ZNF366: variants seen among roughly 807,000 people sequenced by gnomAD.
ZNF366 encodes dendritic cell-specific transcript protein.
A neutral mutation model predicts 47.2 loss-of-function variants in ZNF366; 20 were observed. The observed-to-expected ratio is 0.42, with a 90% CI of 0.30 to 0.62. The LOEUF (loss-of-function observed/expected upper bound fraction) is 0.62, where lower values mean the gene tolerates loss of function less well. Ranked by LOEUF, ZNF366 falls within the 20% of genes least tolerant of loss-of-function variation. The probability of loss-of-function intolerance (pLI) is 0.16; values close to 1 mark genes in which losing one functional copy is unlikely to be tolerated. For missense variants in ZNF366, 987 were observed against 976.3 expected, an observed-to-expected ratio of 1.01 and a Z score of -0.15; for synonymous variants, 421 against 395.1, an observed-to-expected ratio of 1.07 and a Z score of -0.78.
chr5:72,440,871 T>G lies in ZNF366; in HGVS notation c.*2885A>C, dbSNP rs1170287713. 6.6e-6 allele frequency: 1 copy of G among 152,226 alleles called. No homozygotes were observed. The highest frequency in any genetic ancestry group is 6.5e-5 in the Admixed American group (1 of 15,280). The allele number at this position is 152,226 out of a possible 1,614,324, so 9.4% of individuals were successfully genotyped here. A position where few individuals can be genotyped will look rare whatever the true frequency, so the allele number is the denominator to read the frequency against. ...AGGTTAGATCTAATTAAGTGTCTTATGCCCAGAGTCAACAACTAAAAACAG... is the reference window on the plus strand; with the variant it reads ...AGGTTAGATCTAATTAAGTGTCTTAGGCCCAGAGTCAACAACTAAAAACAG... On this transcript the variant is annotated 3_prime_UTR_variant, in exon 5 of 5. Coordinates refer to ENST00000318442, the MANE Select transcript of ZNF366 (RefSeq NM_152625.3).
At chr5:72,484,931 A>G (rs530612318) in intron 1 of ZNF366, among the ~76,000 whole-genome samples, 16 of 150,756 alleles carry the variant, frequency 1.1e-4, no homozygotes, top group African/African-American at 3.6e-4. Flanking sequence ...AGAAGGACCT[A>G]TATTTCCAGT....
rs142021145 is a variant in ZNF366, at chr5:72,460,692, C to G, written c.805G>C (p.Val269Leu). 1 of 1,614,214 alleles carries G rather than the reference C, an allele frequency of 6.2e-7. No homozygotes were observed. Among genetic ancestry groups the G allele is most frequent in the Non-Finnish European group, 8.5e-7 (1 of 1,180,036 alleles). ...CCACTGTGGCCCAGGATGTGGGTGA[C>G]CAGGTTGTACTTGGAGGTGTAGGAC... ...EKSYTSKYNLVTHILGHSGIK... is the reference protein window; with the variant it reads ...EKSYTSKYNLLTHILGHSGIK... Residue 269 changes from valine (V) to leucine (L), a missense_variant, in exon 2 of 5, where the codon GTC becomes CTC. By Grantham distance (32) the Val-to-Leu change is conservative (BLOSUM62 1). Transcript: ENST00000318442.
chr5:72,450,925 GAGA>G (rs1303519582), intron 3 of ZNF366, among the ~76,000 whole-genome samples: 1 of 152,230 alleles, frequency 6.6e-6, no homozygotes, highest in East Asian at 1.9e-4. Flanking sequence ...GGTGGAGCCT[GAGA>G]TGTGAGCCCC....
chr5:72,505,804 A>T (rs1335124684), intron 1 of ZNF366, among the ~76,000 whole-genome samples: 1 of 152,192 alleles, frequency 6.6e-6, no homozygotes, highest in Non-Finnish European at 1.5e-5. Context: ...GATCTATGGA[A>T]ATGGAGTAGT....
At position 72,467,162 on chromosome 5, in the gene ZNF366, C is replaced by T. The variant is rs189557180; in HGVS notation, c.-14-5652G>A. 2.2e-4 allele frequency among the ~76,000 whole-genome samples: 34 copies of T among 152,298 alleles called. No individual in the cohort carries two copies. The South Asian group carries it at 2.7e-3, about 12-fold the overall frequency. ...GAATAATCATACATTTTCATTGTTACGGTCAGACATTTTTCTAAGGTCCCT... is the reference window on the plus strand; with the variant it reads ...GAATAATCATACATTTTCATTGTTATGGTCAGACATTTTTCTAAGGTCCCT... On this transcript the variant is annotated intron_variant, in intron 1 of 4. Transcript: ENST00000318442.
intron 1 of ZNF366, among the ~76,000 whole-genome samples, chr5:72,482,818 C>T (rs1352991468): frequency 7.0e-6 from 1 of 143,098 alleles, no homozygotes; most frequent in Admixed American, 7.0e-5. Flanking sequence ...TCTTAAAATG[C>T]CTGACATTTA....
chr5:72,484,649 A>G lies in ZNF366; in HGVS notation c.-15+22602T>C, dbSNP rs558670376. 6.6e-5 allele frequency among the ~76,000 whole-genome samples: 10 copies of G among 152,230 alleles called. No individual in the cohort carries two copies. In the South Asian group the frequency reaches 2.1e-3, roughly 32 times the overall value. On this transcript the variant is annotated intron_variant, in intron 1 of 4. Transcript: ENST00000318442. ...AGTCAAATTCCACCTTTCAGATATC[A>G]TAGAGGTGTTAAGGTTGAAAGGAAA...
intron 1 of ZNF366, among the ~76,000 whole-genome samples, chr5:72,495,444 C>T (rs527799775): frequency 7.9e-5 from 12 of 152,256 alleles, no homozygotes; most frequent in African/African-American, 2.9e-4. Flanking sequence ...CAAGCAGCTG[C>T]CCCTAGGACG....
intron 1 of ZNF366, among the ~76,000 whole-genome samples, chr5:72,501,701 C>T (rs1401607352): frequency 2.6e-5 from 4 of 152,198 alleles, no homozygotes; most frequent in Non-Finnish European, 4.4e-5. Flanking sequence ...ACACTTCCTA[C>T]AAGGCTGGAT....
intron 1 of ZNF366, among the ~76,000 whole-genome samples, chr5:72,506,846 G>A (rs368457441): frequency 1.4e-4 from 22 of 152,126 alleles, no homozygotes; most frequent in African/African-American, 3.6e-4. Flanking sequence ...TCCAGGTAAC[G>A]TATTAACAAA....
chr5:72,445,038 C>T (rs1274270122), intron 4 of ZNF366, among the ~76,000 whole-genome samples: 1 of 152,204 alleles, frequency 6.6e-6, no homozygotes, highest in Non-Finnish European at 1.5e-5. Context: ...GACACCACCC[C>T]TGACTGTGGC....
chr5:72,445,303 A>T (rs897204065), intron 4 of ZNF366, among the ~76,000 whole-genome samples: 1 of 152,074 alleles, frequency 6.6e-6, no homozygotes, highest in East Asian at 1.9e-4. Flanking sequence ...TGGGCGGGAC[A>T]CTGAGGAGGA....
intron 2 of ZNF366, among the ~76,000 whole-genome samples, chr5:72,459,278 TA>T (rs1346050745): frequency 6.6e-6 from 1 of 152,210 alleles, no homozygotes; most frequent in African/African-American, 2.4e-5. Flanking sequence ...TCTGGCTTGC[TA>T]GAAGTCTTTC....
intron 1 of ZNF366, among the ~76,000 whole-genome samples, chr5:72,477,425 A>T (rs1311643834): frequency 3.3e-5 from 5 of 152,230 alleles, no homozygotes; most frequent in Non-Finnish European, 5.9e-5. Flanking sequence ...TTAAGAAAAC[A>T]TGATTGTGAC....
At chr5:72,464,757 G>GT (rs1345367114) in intron 1 of ZNF366, among the ~76,000 whole-genome samples, 2 of 152,144 alleles carry the variant, frequency 1.3e-5, no homozygotes, top group African/African-American at 4.8e-5. Context: ...AACCCAGAAG[G>GT]TTTTTTAAAA....
In ZNF366 at chr5:72,442,914, G is replaced by A; in HGVS notation, c.*842C>T. On this transcript the variant is annotated 3_prime_UTR_variant, in exon 5 of 5. Coordinates refer to ENST00000318442, the MANE Select transcript of ZNF366 (RefSeq NM_152625.3). ...GACCTCAAGTGATCTGCCTGCCTCGGCCTCCCAAAGTGCTGGGATTACAGG... is the reference window on the plus strand; with the variant it reads ...GACCTCAAGTGATCTGCCTGCCTCGACCTCCCAAAGTGCTGGGATTACAGG... The A allele has an allele frequency of 6.6e-6, 1 of 152,558 alleles. No homozygotes were observed. The highest frequency in any genetic ancestry group is 1.5e-5 in the Non-Finnish European group (1 of 68,272). 9.5% of individuals were successfully genotyped at this position (152,558 alleles called of 1,614,324 possible).
chr5:72,481,616 T>G (rs1228856737), intron 1 of ZNF366, among the ~76,000 whole-genome samples: 1 of 152,224 alleles, frequency 6.6e-6, no homozygotes, highest in African/African-American at 2.4e-5. Context: ...TCCCAAAAGA[T>G]CAACCTAATT....
At chr5:72,459,769 C>T (rs928231231) in intron 2 of ZNF366, among the ~76,000 whole-genome samples, 5 of 152,210 alleles carry the variant, frequency 3.3e-5, no homozygotes, top group Non-Finnish European at 7.3e-5. Flanking sequence ...AGAAGGTGCT[C>T]CCTGGCACAT....
Position 72,441,186 on chromosome 5 carries a change from G to T in ZNF366, c.*2570C>A, listed in dbSNP as rs972352250. The T allele has an allele frequency of 1.3e-5, 2 of 152,162 alleles. No individual in the cohort carries two copies. The highest frequency in any genetic ancestry group is 4.8e-5 in the African/African-American group (2 of 41,428). 9.4% of individuals were successfully genotyped at this position (152,162 alleles called of 1,614,324 possible). The stretch of plus-strand genomic sequence containing the variant: ...AAACATTCCCATGAGGTTTGTTTTG[G>T]TTGGAAAGGACTAGAGCCTGTTACT... On this transcript the variant is annotated 3_prime_UTR_variant, in exon 5 of 5. Transcript: ENST00000318442.
Sources: allele counts gnomAD v4.1 joint callset (sites outside exome capture counted in the v4.1 genomes callset), GRCh38; gene constraint gnomAD v4.1.1; transcripts MANE v1.5; gene names NCBI Gene and HGNC (gene_info 2026-07-23, HGNC 2026-07-21).